PPFIA2: variants seen among roughly 807,000 people sequenced by gnomAD.
PPFIA2 encodes the protein liprin-alpha-2.
PPFIA2 carries 46 observed loss-of-function variants against 175.5 expected under a neutral mutation model. That is an observed-to-expected ratio of 0.26 (90% confidence interval 0.21 to 0.34). PPFIA2 has a LOEUF of 0.34. PPFIA2 is among the 10% of genes least tolerant of loss of function. The pLI, the probability that PPFIA2 is intolerant of heterozygous loss-of-function variation, is 1.00. For missense variants in PPFIA2, 1,179 were observed against 1,506.1 expected (o/e 0.78, Z 3.60); for synonymous variants, 568 against 511.4 (o/e 1.11, Z -1.49).
chr12:81,336,253 A>G (rs947906649), intron 21 of PPFIA2, among the ~76,000 whole-genome samples: 2 of 152,226 alleles, frequency 1.3e-5, no homozygotes, highest in African/African-American at 2.4e-5. Context: ...TTAAAATAAA[A>G]TAATTTTGGT....
rs573687669 is a variant in PPFIA2, at chr12:81,283,152, T to A, written c.2989-113A>T. ...AAATTGTTATACAAAATATTTTGTA[T>A]AACAGGTAGAATAAACACACAGATT... On this transcript the variant is annotated intron_variant, in intron 25 of 32. Transcript: ENST00000549396. 20 of 1,000,926 alleles carry A rather than the reference T, an allele frequency of 2.0e-5. 1 individual carries two copies. The Admixed American group carries it at 3.3e-4, about 17-fold the overall frequency. 62.0% of individuals were successfully genotyped at this position (1,000,926 alleles called of 1,614,324 possible).
intron 26 of PPFIA2, 54 bp from the exon 27 acceptor site, chr12:81,281,504 T>A: frequency 1.7e-6 from 2 of 1,207,824 alleles, no homozygotes; most frequent in South Asian, 1.5e-5. Context: ...AAGATGGTAA[T>A]TGGATAATAT....
intron 6 of PPFIA2, among the ~76,000 whole-genome samples, chr12:81,441,708 A>C (rs1301506261): frequency 6.6e-6 from 1 of 152,048 alleles, no homozygotes; most frequent in Non-Finnish European, 1.5e-5. Context: ...TGTGGAATGC[A>C]TATATCAAAA....
At chr12:81,319,705 T>G (rs1435097652) in intron 22 of PPFIA2, among the ~76,000 whole-genome samples, 1 of 151,876 alleles carries the variant, frequency 6.6e-6, no homozygotes, top group East Asian at 1.9e-4. Context: ...ATTTTTGGAA[T>G]GGGATGAAGG....
chr12:81,264,656 G>A (rs1361320922), intron 30 of PPFIA2, among the ~76,000 whole-genome samples: 1 of 152,128 alleles, frequency 6.6e-6, no homozygotes, highest in South Asian at 2.1e-4. Context: ...GACATTTAAA[G>A]TCAATCAGGG....
intron 7 of PPFIA2, among the ~76,000 whole-genome samples, chr12:81,407,310 CT>C (rs1343151966): frequency 6.6e-6 from 1 of 151,876 alleles, no homozygotes; most frequent in Non-Finnish European, 1.5e-5. Context: ...CTGGTGAAAC[CT>C]GTCTCTACTA....
intron 2 of PPFIA2, among the ~76,000 whole-genome samples, chr12:81,757,423 AT>A (rs1388307548): frequency 6.6e-6 from 1 of 152,148 alleles, no homozygotes; most frequent in Non-Finnish European, 1.5e-5. Flanking sequence ...TGATATATAA[AT>A]TATGTTATCT....
chr12:81,331,445 T>A (rs1350578548), intron 21 of PPFIA2, among the ~76,000 whole-genome samples: 2 of 152,224 alleles, frequency 1.3e-5, no homozygotes, highest in East Asian at 1.9e-4. Context: ...ACGACTGTAC[T>A]TGTGAAATGA....
intron 16 of PPFIA2, among the ~76,000 whole-genome samples, chr12:81,354,702 G>T (rs901949211): frequency 6.6e-6 from 1 of 151,840 alleles, no homozygotes; most frequent in Admixed American, 6.6e-5. Flanking sequence ...GGAGGGCAGC[G>T]GCTTGATCTC....
intron 21 of PPFIA2, among the ~76,000 whole-genome samples, chr12:81,335,780 A>AAC (rs1358756797): frequency 5.1e-5 from 7 of 136,720 alleles, no homozygotes; most frequent in Non-Finnish European, 6.7e-5. Context: ...ACAACAACAA[A>AAC]AAGACAATGA....
intron 4 of PPFIA2, among the ~76,000 whole-genome samples, chr12:81,569,172 C>T (rs2153410094): frequency 6.6e-6 from 1 of 152,186 alleles, no homozygotes; most frequent in Non-Finnish European, 1.5e-5. Context: ...ATCATAGCTT[C>T]TTTCTATGTG....
At chr12:81,263,745 A>G (rs911648914) in intron 30 of PPFIA2, among the ~76,000 whole-genome samples, 2 of 152,188 alleles carry the variant, frequency 1.3e-5, no homozygotes, top group Admixed American at 1.3e-4. Flanking sequence ...GAGATGATAT[A>G]CTTAATTGAA....
intron 28 of PPFIA2, among the ~76,000 whole-genome samples, chr12:81,269,772 C>T (rs755904205): frequency 1.3e-4 from 20 of 152,146 alleles, no homozygotes; most frequent in African/African-American, 2.9e-4. Context: ...AATTTATCTA[C>T]GCTTTAGCAA....
intron 4 of PPFIA2, among the ~76,000 whole-genome samples, chr12:81,633,891 C>T (rs896680130): frequency 1.1e-4 from 16 of 151,828 alleles, no homozygotes; most frequent in Non-Finnish European, 2.1e-4. Context: ...ATATTAGGAG[C>T]TCAAGAAAAT....
At chr12:81,608,194 T>C (rs1317639541) in intron 4 of PPFIA2, among the ~76,000 whole-genome samples, 1 of 152,054 alleles carries the variant, frequency 6.6e-6, no homozygotes, top group East Asian at 1.9e-4. Context: ...AATTCTGTTT[T>C]ATAGTATTCT....
intron 4 of PPFIA2, among the ~76,000 whole-genome samples, chr12:81,573,678 G>T (rs1332208262): frequency 1.3e-5 from 2 of 151,768 alleles, no homozygotes; most frequent in African/African-American, 4.8e-5. Flanking sequence ...CCCCAACTAT[G>T]AATGTATACT....
chr12:81,389,406 G>A (rs1320005629), intron 8 of PPFIA2, among the ~76,000 whole-genome samples: 3 of 151,592 alleles, frequency 2.0e-5, no homozygotes, highest in East Asian at 1.9e-4. Flanking sequence ...AAAATAAAAC[G>A]CTTTTAAAAT....
chr12:81,267,791 T>C, intron 29 of PPFIA2, 121 bp downstream of exon 29: 2 of 800,992 alleles, frequency 2.5e-6, no homozygotes, highest in Non-Finnish European at 3.7e-6. Flanking sequence ...CAGTGACATA[T>C]TTCAAACATT....
chr12:81,721,563 A>G (rs1294282944), intron 3 of PPFIA2, among the ~76,000 whole-genome samples: 1 of 151,388 alleles, frequency 6.6e-6, no homozygotes, highest in African/African-American at 2.4e-5. Flanking sequence ...ACATGATTTC[A>G]AAAGAATTGG....
Sources: gnomAD v4.1 joint callset for allele counts (sites outside exome capture counted in the v4.1 genomes callset) on GRCh38, gnomAD v4.1.1 for gene constraint, MANE v1.5 for transcripts, NCBI Gene and HGNC (gene_info 2026-07-23, HGNC 2026-07-21) for gene names.